The following CEP112 variants were observed in gnomAD, a reference collection of about 807,000 sequenced individuals.
The protein encoded by CEP112 is centrosomal protein of 112 kDa.
CEP112 carries 127 observed loss-of-function variants against 153.0 expected under a neutral mutation model. The ratio of observed to expected loss-of-function variants is 0.83; its 90% CI spans 0.72 to 0.96. The LOEUF (loss-of-function observed/expected upper bound fraction) is 0.96, where lower values mean the gene tolerates loss of function less well. Ranked by LOEUF, CEP112 falls within the 40% of genes least tolerant of loss-of-function variation. The probability of loss-of-function intolerance (pLI) is 0.00; values close to 1 mark genes in which losing one functional copy is unlikely to be tolerated. For missense variants in CEP112, 1,089 were observed against 1,101.2 expected (o/e 0.99, Z 0.16); for synonymous variants, 358 against 374.4 (o/e 0.96, Z 0.51).
chr17:65,662,026 T>C (rs1221349132), intron 24 of CEP112, among the ~76,000 whole-genome samples: 1 of 152,158 alleles, frequency 6.6e-6, no homozygotes, highest in Non-Finnish European at 1.5e-5. Context: ...TAGAGTGCAG[T>C]GACGCAATCA....
rs230563 is a variant in CEP112 at position 66,170,829 on chromosome 17, T to G, written c.470+4215A>C. ...ACATAAAAATGCAGTAACAGATATA[T>G]AATAGCAATGCAATGTGGAACAGTA... On this transcript the variant is annotated intron_variant, in intron 4 of 26. Coordinates refer to ENST00000535342, the MANE Select transcript of CEP112 (RefSeq NM_001199165.4). 3.2e-3 allele frequency among the ~76,000 whole-genome samples: 486 copies of G among 152,040 alleles called. 2 individuals carry two copies. Among genetic ancestry groups the G allele is most frequent in the African/African-American group, 0.011 (469 of 41,494 alleles).
At chr17:65,876,359 C>T (rs1369170720) in intron 20 of CEP112, among the ~76,000 whole-genome samples, 1 of 152,142 alleles carries the variant, frequency 6.6e-6, no homozygotes, top group Non-Finnish European at 1.5e-5. Flanking sequence ...GTATAGAAGT[C>T]TGACTTGTAA....
chr17:66,098,761 A>G (rs1428487639), intron 6 of CEP112, among the ~76,000 whole-genome samples: 1 of 152,190 alleles, frequency 6.6e-6, no homozygotes, highest in Non-Finnish European at 1.5e-5. Context: ...TGATAAAGAG[A>G]CCAAATAAAA....
chr17:65,794,061 TTCTAGGTAG>T (rs2054756913), intron 21 of CEP112, among the ~76,000 whole-genome samples: 2 of 152,224 alleles, frequency 1.3e-5, no homozygotes, highest in African/African-American at 4.8e-5. Flanking sequence ...GCCTGCTATA[TTCTAGGTAG>T]TCTTCCAGGC....
At chr17:65,691,158 G>A (rs1366736743) in intron 23 of CEP112, among the ~76,000 whole-genome samples, 2 of 151,964 alleles carry the variant, frequency 1.3e-5, no homozygotes, top group African/African-American at 4.8e-5. Flanking sequence ...CAGAGACAGG[G>A]CAGGTGTTGG....
intron 20 of CEP112, among the ~76,000 whole-genome samples, chr17:65,901,576 A>G (rs2059851255): frequency 6.6e-6 from 1 of 152,182 alleles, no homozygotes; most frequent in East Asian, 1.9e-4. Context: ...GGCTTCCAAC[A>G]GGGACTACAG....
At chr17:66,143,569 C>T (rs2070794627) in intron 4 of CEP112, among the ~76,000 whole-genome samples, 1 of 152,158 alleles carries the variant, frequency 6.6e-6, no homozygotes, top group Admixed American at 6.5e-5. Flanking sequence ...CAAAGAAATT[C>T]GTGAATACGG....
intron 24 of CEP112, among the ~76,000 whole-genome samples, chr17:65,677,228 AT>A (rs1201829092): frequency 6.6e-6 from 1 of 152,142 alleles, no homozygotes; most frequent in African/African-American, 2.4e-5. Context: ...TAAACTATTT[AT>A]TTTCCTTTAT....
intron 4 of CEP112, among the ~76,000 whole-genome samples, chr17:66,172,531 ATTAAG>A (rs2072289622): frequency 6.6e-6 from 1 of 152,200 alleles, no homozygotes; most frequent in Non-Finnish European, 1.5e-5. Flanking sequence ...AACAAAGAGA[ATTAAG>A]TTATTTTTTA....
At chr17:65,965,518 C>CT (rs1555734628) in intron 17 of CEP112, among the ~76,000 whole-genome samples, 1,467 of 122,040 alleles carry the variant, frequency 0.012, 34 homozygotes, top group African/African-American at 0.04. Context: ...CTTCTGCCCC[C>CT]TTTTTTTTTT....
At chr17:65,721,656 A>C (rs2049894196) in intron 23 of CEP112, among the ~76,000 whole-genome samples, 1 of 152,214 alleles carries the variant, frequency 6.6e-6, no homozygotes, top group Admixed American at 6.5e-5. Flanking sequence ...TTGCAAATAA[A>C]TCTTGGCATA....
chr17:65,678,197 A>G (rs984701508), intron 24 of CEP112, among the ~76,000 whole-genome samples: 1 of 152,106 alleles, frequency 6.6e-6, no homozygotes, highest in African/African-American at 2.4e-5. Context: ...CTACCTGTTC[A>G]CTGAATTCTA....
At chr17:66,154,281 G>A (rs1019775121) in intron 4 of CEP112, among the ~76,000 whole-genome samples, 3 of 152,094 alleles carry the variant, frequency 2.0e-5, no homozygotes, top group Admixed American at 1.3e-4. Context: ...TTGGAAGGCC[G>A]AGATGGGCAG....
At chr17:66,159,350 C>T (rs773576117) in intron 4 of CEP112, among the ~76,000 whole-genome samples, 5 of 152,066 alleles carry the variant, frequency 3.3e-5, no homozygotes, top group Non-Finnish European at 5.9e-5. Flanking sequence ...ACTCATTTTA[C>T]GAGGCCAGAG....
chr17:66,101,386 A>G (rs959764563), intron 6 of CEP112, among the ~76,000 whole-genome samples: 2 of 152,096 alleles, frequency 1.3e-5, no homozygotes, highest in South Asian at 4.1e-4. Context: ...CACAAGGTCC[A>G]TTCAGTAGAC....
At chr17:65,837,436 G>C (rs2146187717) in intron 21 of CEP112, among the ~76,000 whole-genome samples, 1 of 151,884 alleles carries the variant, frequency 6.6e-6, no homozygotes, top group African/African-American at 2.4e-5. Flanking sequence ...AATGTGAAGA[G>C]CACCTCTGCC....
chr17:65,682,756 C>T (rs1567857896), intron 24 of CEP112, among the ~76,000 whole-genome samples: 1 of 152,148 alleles, frequency 6.6e-6, no homozygotes, highest in Non-Finnish European at 1.5e-5. Flanking sequence ...CCCTTGAACA[C>T]TCGGCATGTT....
intron 14 of CEP112, 62 bp from the exon 15 acceptor site, chr17:66,028,467 C>A (rs932620232): frequency 5.4e-6 from 5 of 929,818 alleles, no homozygotes; most frequent in South Asian, 4.8e-5. Flanking sequence ...ATTATACTTT[C>A]TGATTGAAAA....
intron 19 of CEP112, among the ~76,000 whole-genome samples, chr17:65,916,287 G>GTGTGTGTGTGTGTATGTGTA (rs138734881): frequency 4.1e-5 from 6 of 147,600 alleles, no homozygotes; most frequent in South Asian, 2.2e-4. Flanking sequence ...GTGTGTGTGT[G>GTGTGTGTGTGTGTATGTGTA]TGTGTATGTG....
Sources: gnomAD v4.1 joint callset for allele counts (sites outside exome capture counted in the v4.1 genomes callset) on GRCh38, gnomAD v4.1.1 for gene constraint, MANE v1.5 for transcripts, NCBI Gene and HGNC (gene_info 2026-07-23, HGNC 2026-07-21) for gene names.